The following CNTN6 variants were observed in gnomAD, a reference collection of about 807,000 sequenced individuals.
The protein encoded by CNTN6 is contactin 6, also known as contactin-6.
Under a neutral mutation model 122.8 loss-of-function variants are expected in CNTN6, and 137 were observed. The observed-to-expected ratio is 1.12, with a 90% CI of 0.97 to 1.29. CNTN6 has a LOEUF of 1.29. CNTN6 is among the 50% of genes most tolerant of loss of function. The pLI, the probability that CNTN6 is intolerant of heterozygous loss-of-function variation, is 0.00. For missense variants in CNTN6, 1,634 were observed against 1,223.4 expected (o/e 1.34, Z -5.01); for synonymous variants, 570 against 426.0 (o/e 1.34, Z -4.16).
intron 2 of CNTN6, among the ~76,000 whole-genome samples, chr3:1,178,258 AT>A (rs2093488061): frequency 6.6e-6 from 1 of 152,010 alleles, no homozygotes; most frequent in Non-Finnish European, 1.5e-5. Flanking sequence ...CAGCTCTTAG[AT>A]GCTCTGTTCT....
chr3:1,192,797 TTC>T (rs2125392978), intron 2 of CNTN6, among the ~76,000 whole-genome samples: 1 of 152,174 alleles, frequency 6.6e-6, no homozygotes, highest in African/African-American at 2.4e-5. Flanking sequence ...AATAAGATAT[TTC>T]TCTTTTATTT....
At chr3:1,389,772 A>G (rs866902809) in intron 20 of CNTN6, among the ~76,000 whole-genome samples, 3,631 of 148,776 alleles carry the variant, frequency 0.024, 71 homozygotes, top group South Asian at 0.04. Context: ...AGTCTCTGAT[A>G]AAACAGACTT....
intron 2 of CNTN6, among the ~76,000 whole-genome samples, chr3:1,203,650 A>G (rs1039682061): frequency 6.6e-6 from 1 of 152,188 alleles, no homozygotes; most frequent in African/African-American, 2.4e-5. Flanking sequence ...AGCGTGGTTG[A>G]TGGACTGGCA....
chr3:1,370,830 G>A (rs770513835), intron 12 of CNTN6, among the ~76,000 whole-genome samples: 23 of 151,750 alleles, frequency 1.5e-4, no homozygotes, highest in South Asian at 2.1e-4. Context: ...CCTGGGTGAC[G>A]GAGCGAGACT....
chr3:1,371,458 C>T lies in CNTN6; in HGVS notation c.1493-841C>T, dbSNP rs1224581564. On this transcript the variant is annotated intron_variant, in intron 12 of 22. Coordinates refer to ENST00000446702, the MANE Select transcript of CNTN6 (RefSeq NM_001289080.2). ...TAAATCCAAATATTTGTCCAGGGCCCCTTCATAGATATTGAGTTGCTCTTT... is the reference window on the plus strand; with the variant it reads ...TAAATCCAAATATTTGTCCAGGGCCTCTTCATAGATATTGAGTTGCTCTTT... 2.6e-5 allele frequency among the ~76,000 whole-genome samples: 4 copies of T among 152,074 alleles called. 1 individual carries two copies. The East Asian group carries it at 7.7e-4, about 29-fold the overall frequency.
intron 1 of CNTN6, among the ~76,000 whole-genome samples, chr3:1,132,836 A>T (rs1399157408): frequency 6.6e-6 from 1 of 152,048 alleles, no homozygotes; most frequent in Non-Finnish European, 1.5e-5. Flanking sequence ...ACTTTTCTTC[A>T]TTCCCTTTAT....
At chr3:1,245,455 T>C (rs1231509914) in intron 4 of CNTN6, among the ~76,000 whole-genome samples, 1 of 147,028 alleles carries the variant, frequency 6.8e-6, no homozygotes, top group East Asian at 2.0e-4. Context: ...TCAAACATCA[T>C]ACGTTCTTAT....
intron 8 of CNTN6, among the ~76,000 whole-genome samples, chr3:1,325,561 A>G (rs1701415742): frequency 1.3e-5 from 2 of 151,858 alleles, no homozygotes; most frequent in South Asian, 2.1e-4. Flanking sequence ...ACAGCTCCCA[A>G]GTTGTTATAC....
At chr3:1,328,439 G>A (rs765829605) in intron 10 of CNTN6, among the ~76,000 whole-genome samples, 2 of 151,776 alleles carry the variant, frequency 1.3e-5, no homozygotes, top group East Asian at 3.9e-4. Context: ...GAGCTTATGG[G>A]TGATGAGCAC....
chr3:1,167,491 A>T (rs957256025), intron 2 of CNTN6, among the ~76,000 whole-genome samples: 9 of 152,230 alleles, frequency 5.9e-5, no homozygotes, highest in African/African-American at 2.2e-4. Flanking sequence ...TAGCAAGCAC[A>T]TATTAAAATA....
chr3:1,318,819 G>C (rs1231552228), intron 7 of CNTN6, among the ~76,000 whole-genome samples: 3 of 151,652 alleles, frequency 2.0e-5, no homozygotes, highest in African/African-American at 7.3e-5. Flanking sequence ...TCTTTGTGAA[G>C]ATAAATTAGC....
chr3:1,118,886 C>CA (rs941981941), intron 1 of CNTN6, among the ~76,000 whole-genome samples: 9 of 151,826 alleles, frequency 5.9e-5, no homozygotes, highest in South Asian at 2.1e-4. Context: ...CAAAACAAAA[C>CA]AAAAAAACAC....
chr3:1,369,726 G>A lies in CNTN6; in HGVS notation c.1493-2573G>A, dbSNP rs186608469. Among the ~76,000 whole-genome samples, 139 of 151,760 alleles carry A rather than the reference G, an allele frequency of 9.2e-4. 1 individual carries two copies. Among genetic ancestry groups the A allele is most frequent in the African/African-American group, 3.2e-3 (132 of 41,440 alleles). On this transcript the variant is annotated intron_variant, in intron 12 of 22. Transcript: ENST00000446702. ...CAGTTTTGCTCTGTCAACACATCCAGTTAGCCAACTTATCCTCCTATAAAT... is the reference window on the plus strand; with the variant it reads ...CAGTTTTGCTCTGTCAACACATCCAATTAGCCAACTTATCCTCCTATAAAT...
At chr3:1,267,239 C>T (rs1168778723) in intron 4 of CNTN6, among the ~76,000 whole-genome samples, 5 of 152,102 alleles carry the variant, frequency 3.3e-5, no homozygotes, top group Non-Finnish European at 7.3e-5. Flanking sequence ...TCCTTCCTCA[C>T]TTTTTTTCCC....
intron 20 of CNTN6, among the ~76,000 whole-genome samples, chr3:1,391,557 C>T (rs1416579515): frequency 7.2e-6 from 1 of 139,262 alleles, no homozygotes; most frequent in East Asian, 2.1e-4. Flanking sequence ...CTGGCCAGGG[C>T]AATTAGGCAG....
intron 4 of CNTN6, among the ~76,000 whole-genome samples, chr3:1,262,975 A>G (rs2125713447): frequency 6.6e-6 from 1 of 152,292 alleles, no homozygotes; most frequent in East Asian, 1.9e-4. Flanking sequence ...TATCGTTTAA[A>G]TCAACTCCAA....
chr3:1,400,655 A>C (rs1695566163), intron 20 of CNTN6, among the ~76,000 whole-genome samples: 2 of 152,140 alleles, frequency 1.3e-5, no homozygotes, highest in African/African-American at 4.8e-5. Context: ...TGATTAAGCT[A>C]AGATAGACAT....
intron 7 of CNTN6, among the ~76,000 whole-genome samples, chr3:1,317,265 A>G (rs1458706263): frequency 6.6e-6 from 1 of 151,720 alleles, no homozygotes; most frequent in African/African-American, 2.4e-5. Context: ...ATTCTAAAAT[A>G]TCTAGAGCAC....
At chr3:1,276,248 G>GC (rs770109258) in intron 4 of CNTN6, among the ~76,000 whole-genome samples, 4 of 152,000 alleles carry the variant, frequency 2.6e-5, no homozygotes, top group Non-Finnish European at 4.4e-5. Flanking sequence ...GCTTATATTA[G>GC]TTTTTTACTG....
Sources: gnomAD v4.1 joint callset for allele counts (sites outside exome capture counted in the v4.1 genomes callset) on GRCh38, gnomAD v4.1.1 for gene constraint, MANE v1.5 for transcripts, NCBI Gene and HGNC (gene_info 2026-07-23, HGNC 2026-07-21) for gene names.